SLC10A7: variants seen among roughly 807,000 people sequenced by gnomAD.
The protein encoded by SLC10A7 is sodium/bile acid cotransporter 7.
In SLC10A7, 29 loss-of-function variants were observed where a neutral mutation model predicts 43.2. That is an observed-to-expected ratio of 0.67 (90% CI 0.50 to 0.92). The LOEUF is 0.92. Ranked by LOEUF, SLC10A7 falls within the 40% of genes least tolerant of loss-of-function variation. The pLI is 0.00. For missense variants in SLC10A7, 295 were observed against 403.2 expected, an observed-to-expected ratio of 0.73 and a Z score of 2.30; for synonymous variants, 152 against 144.8, an observed-to-expected ratio of 1.05 and a Z score of -0.35.
At chr4:146,312,064 T>C (rs1338812699) in intron 6 of SLC10A7, among the ~76,000 whole-genome samples, 1 of 152,184 alleles carries the variant, frequency 6.6e-6, no homozygotes, top group Non-Finnish European at 1.5e-5. Context: ...TAAACAGCCA[T>C]ACTGATTCAG....
At chr4:146,440,834 C>A (rs1730541980) in intron 5 of SLC10A7, among the ~76,000 whole-genome samples, 1 of 152,190 alleles carries the variant, frequency 6.6e-6, no homozygotes, top group Non-Finnish European at 1.5e-5. Context: ...TTCTGCCTGT[C>A]TGCCATTGCT....
chr4:146,371,225 T>C (rs1430347145), intron 5 of SLC10A7, among the ~76,000 whole-genome samples: 1 of 152,196 alleles, frequency 6.6e-6, no homozygotes, highest in Non-Finnish European at 1.5e-5. Flanking sequence ...TTTCACCAGA[T>C]ATCGGGGGTA....
chr4:146,519,874 G>A (rs1427907972), intron 1 of SLC10A7, among the ~76,000 whole-genome samples: 3 of 151,974 alleles, frequency 2.0e-5, no homozygotes, highest in East Asian at 3.9e-4. Context: ...ATTAAACAAA[G>A]GAATGAATTA....
intron 4 of SLC10A7, among the ~76,000 whole-genome samples, chr4:146,463,809 T>C (rs1179764666): frequency 1.3e-5 from 2 of 151,592 alleles, no homozygotes; most frequent in East Asian, 1.9e-4. Flanking sequence ...CATCATACCA[T>C]TATTTCCTTT....
chr4:146,354,345 C>G (rs1188952926), intron 5 of SLC10A7, among the ~76,000 whole-genome samples: 1 of 152,056 alleles, frequency 6.6e-6, no homozygotes, highest in Non-Finnish European at 1.5e-5. Flanking sequence ...TGTGAAGGAC[C>G]TCTTCAAGGA....
chr4:146,423,107 T>C (rs1729074881), intron 5 of SLC10A7, among the ~76,000 whole-genome samples: 1 of 152,158 alleles, frequency 6.6e-6, no homozygotes, highest in Admixed American at 6.5e-5. Flanking sequence ...CACAAGTCCA[T>C]TAAGCACATA....
At chr4:146,415,514 A>T (rs1358692209) in intron 5 of SLC10A7, among the ~76,000 whole-genome samples, 1 of 152,174 alleles carries the variant, frequency 6.6e-6, no homozygotes, top group African/African-American at 2.4e-5. Flanking sequence ...TATCCAGGGA[A>T]TGGAGGCACA....
At chr4:146,489,401 T>A (rs1329552644) in intron 4 of SLC10A7, among the ~76,000 whole-genome samples, 1 of 152,222 alleles carries the variant, frequency 6.6e-6, no homozygotes, top group African/African-American at 2.4e-5. Context: ...TTTCTTAGTC[T>A]CTTTTTGTGT....
chr4:146,294,564 T>G (rs1238761402), intron 7 of SLC10A7, among the ~76,000 whole-genome samples: 2 of 152,202 alleles, frequency 1.3e-5, no homozygotes, highest in East Asian at 3.8e-4. Flanking sequence ...ATATTAATAT[T>G]TAAAACGCTA....
At chr4:146,483,542 CAA>C (rs1734666856) in intron 4 of SLC10A7, among the ~76,000 whole-genome samples, 1 of 151,232 alleles carries the variant, frequency 6.6e-6, no homozygotes, top group Admixed American at 6.6e-5. Context: ...CAAAGGAAGA[CAA>C]GAGAGGAAGA....
intron 5 of SLC10A7, among the ~76,000 whole-genome samples, chr4:146,355,271 A>T (rs1735489984): frequency 6.6e-6 from 1 of 152,204 alleles, no homozygotes; most frequent in Non-Finnish European, 1.5e-5. Flanking sequence ...TTATGCAGCC[A>T]AAAAATACAT....
rs765818741 is a variant in SLC10A7 at position 146,521,661 on chromosome 4, C to A, written c.57G>T (p.Ala19=). 6.2e-7 allele frequency: 1 copy of A among 1,614,194 alleles called. No individual in the cohort carries two copies. Among genetic ancestry groups the A allele is most frequent in the South Asian group, 1.1e-5 (1 of 91,084 alleles). The change falls in exon 1 of 12, where the codon GCG becomes GCT. Residue 19 remains alanine, a synonymous_variant. Transcript: ENST00000335472. The part of the protein sequence containing the change: ...KDWFMVGIVL[A]IAGAKLEPSI... ...ACGGCTCCAGTTTAGCTCCAGCGAT[C>A]GCCAGCACTATTCCGACCATGAACC... is the stretch of plus-strand genomic sequence containing the variant.
At chr4:146,520,264 C>T (rs1344139451) in intron 1 of SLC10A7, among the ~76,000 whole-genome samples, 2 of 53,906 alleles carry the variant, frequency 3.7e-5, no homozygotes, top group Non-Finnish European at 6.4e-5. Flanking sequence ...CATTTAGCTC[C>T]GGGGATAGGG....
chr4:146,505,393 A>G (rs1284870358), intron 3 of SLC10A7, among the ~76,000 whole-genome samples: 1 of 152,212 alleles, frequency 6.6e-6, no homozygotes, highest in African/African-American at 2.4e-5. Flanking sequence ...AATATATATT[A>G]ATCGACTCTT....
Position 146,433,696 on chromosome 4 carries a change from T to C in SLC10A7, c.435+9087A>G, listed in dbSNP as rs567743977. Among the ~76,000 whole-genome samples the C allele has an allele frequency of 1.4e-4, 22 of 151,954 alleles. No homozygotes were observed. In the East Asian group the frequency reaches 3.9e-3, roughly 27 times the overall value. The stretch of plus-strand genomic sequence containing the variant: ...GCCTGGGCAACATAGCGAGATCCCA[T>C]CTCTATAAAAATAAAAAAATTAGCC... On this transcript the variant is annotated intron_variant, in intron 5 of 11. Coordinates refer to ENST00000335472, the MANE Select transcript of SLC10A7 (RefSeq NM_001029998.6).
chr4:146,326,706 G>A (rs1422087267), intron 5 of SLC10A7, among the ~76,000 whole-genome samples: 3 of 152,198 alleles, frequency 2.0e-5, no homozygotes, highest in African/African-American at 7.2e-5. Flanking sequence ...TTAAAACTAA[G>A]TGTTTGAGTT....
chr4:146,258,901 C>T, intron 10 of SLC10A7, 64 bp from the exon 11 acceptor site: 1 of 1,534,208 alleles, frequency 6.5e-7, no homozygotes, highest in South Asian at 1.2e-5. Context: ...TAAATGCATA[C>T]TCCATCAAAA....
At chr4:146,366,738 A>G (rs1560839218) in intron 5 of SLC10A7, among the ~76,000 whole-genome samples, 1 of 152,202 alleles carries the variant, frequency 6.6e-6, no homozygotes, top group Non-Finnish European at 1.5e-5. Flanking sequence ...ATAGACATTT[A>G]CTATTTTTAT....
At chr4:146,328,734 TAC>T (rs1733330678) in intron 5 of SLC10A7, among the ~76,000 whole-genome samples, 1 of 152,022 alleles carries the variant, frequency 6.6e-6, no homozygotes, top group East Asian at 1.9e-4. Flanking sequence ...GCTGAAGAAA[TAC>T]AGAGACTACA....
Sources: gnomAD v4.1 joint callset for allele counts (sites outside exome capture counted in the v4.1 genomes callset) on GRCh38, gnomAD v4.1.1 for gene constraint, MANE v1.5 for transcripts, NCBI Gene and HGNC (gene_info 2026-07-23, HGNC 2026-07-21) for gene names.